LRRC4C: variants seen among roughly 807,000 people sequenced by gnomAD.
The protein encoded by LRRC4C is leucine rich repeat containing 4C.
Under a neutral mutation model 33.6 loss-of-function variants are expected in LRRC4C, and 5 were observed. That is an observed-to-expected ratio of 0.15 (90% CI 0.08 to 0.31). The LOEUF is 0.31. Among genes scored for constraint, LRRC4C ranks in the 10% least tolerant of loss-of-function variants. The pLI is 1.00. For missense variants in LRRC4C, 560 were observed against 796.7 expected, an observed-to-expected ratio of 0.70 and a Z score of 3.58; for synonymous variants, 329 against 302.0, an observed-to-expected ratio of 1.09 and a Z score of -0.93.
chr11:40,172,401 A>G (rs1860119441), intron 5 of LRRC4C, among the ~76,000 whole-genome samples: 1 of 152,126 alleles, frequency 6.6e-6, no homozygotes. Context: ...AACAGCCAGA[A>G]TGGTTTTTGA....
intron 2 of LRRC4C, among the ~76,000 whole-genome samples, chr11:40,712,356 G>C (rs928893161): frequency 6.6e-6 from 1 of 152,004 alleles, no homozygotes; most frequent in African/African-American, 2.4e-5. Flanking sequence ...AGATCCCATA[G>C]CTAACACATC....
chr11:40,383,374 C>T (rs1170100620), intron 3 of LRRC4C, among the ~76,000 whole-genome samples: 3 of 152,058 alleles, frequency 2.0e-5, no homozygotes. Flanking sequence ...GGTATATACC[C>T]AGAAGTGGGA....
chr11:40,488,918 C>G (rs1437732111), intron 3 of LRRC4C, among the ~76,000 whole-genome samples: 9 of 151,970 alleles, frequency 5.9e-5, no homozygotes, highest in Admixed American at 5.9e-4. Flanking sequence ...GTGGTTTCTC[C>G]TTTATTTTTT....
intron 6 of LRRC4C, among the ~76,000 whole-genome samples, chr11:40,123,945 G>T (rs942664190): frequency 2.0e-5 from 3 of 152,078 alleles, no homozygotes; most frequent in African/African-American, 7.2e-5. Context: ...TACATCTACA[G>T]TGAACTCATT....
At chr11:40,659,358 G>T (rs1943302309) in intron 2 of LRRC4C, among the ~76,000 whole-genome samples, 1 of 152,174 alleles carries the variant, frequency 6.6e-6, no homozygotes, top group Admixed American at 6.5e-5. Flanking sequence ...AAGGCAGATA[G>T]GTTCCCAGGC....
intron 2 of LRRC4C, among the ~76,000 whole-genome samples, chr11:40,928,532 T>G (rs1957486366): frequency 1.3e-5 from 2 of 151,956 alleles, no homozygotes; most frequent in African/African-American, 2.4e-5. Flanking sequence ...ATCTCTTTCA[T>G]TAAGTAATAA....
intron 2 of LRRC4C, among the ~76,000 whole-genome samples, chr11:40,723,591 T>C (rs1218673257): frequency 6.6e-6 from 1 of 152,156 alleles, no homozygotes; most frequent in Non-Finnish European, 1.5e-5. Flanking sequence ...ACTGGCCTTA[T>C]AAGAGACACT....
At chr11:40,983,942 A>G (rs1852725516) in intron 1 of LRRC4C, among the ~76,000 whole-genome samples, 1 of 152,152 alleles carries the variant, frequency 6.6e-6, no homozygotes, top group Non-Finnish European at 1.5e-5. Flanking sequence ...TAAGTGAGGA[A>G]TTTTAAATTT....
intron 2 of LRRC4C, among the ~76,000 whole-genome samples, chr11:40,767,716 A>G (rs1949541691): frequency 6.6e-6 from 1 of 152,088 alleles, no homozygotes; most frequent in South Asian, 2.1e-4. Flanking sequence ...ATGCTCCTAA[A>G]TGACCAATAA....
At chr11:41,418,289 A>C (rs1184370657) in intron 1 of LRRC4C, among the ~76,000 whole-genome samples, 1 of 152,032 alleles carries the variant, frequency 6.6e-6, no homozygotes, top group Non-Finnish European at 1.5e-5. Context: ...CCTTCTTGTG[A>C]AATTAGCCAT....
At chr11:40,190,951 A>C (rs1196834586) in intron 5 of LRRC4C, among the ~76,000 whole-genome samples, 1 of 152,228 alleles carries the variant, frequency 6.6e-6, no homozygotes, top group Non-Finnish European at 1.5e-5. Context: ...TTGCAGATTC[A>C]AGAGGTCTTT....
chr11:40,899,993 G>C (rs1956135964), intron 2 of LRRC4C, among the ~76,000 whole-genome samples: 1 of 152,008 alleles, frequency 6.6e-6, no homozygotes, highest in African/African-American at 2.4e-5. Context: ...TTGCCCCATG[G>C]TTTTAGTGTT....
intron 3 of LRRC4C, among the ~76,000 whole-genome samples, chr11:40,497,267 G>A (rs911046840): frequency 1.3e-5 from 2 of 152,166 alleles, no homozygotes; most frequent in East Asian, 1.9e-4. Flanking sequence ...AGCCAGGCAT[G>A]GTGGTGGATG....
At chr11:41,301,353 G>A (rs1476878139) in intron 1 of LRRC4C, among the ~76,000 whole-genome samples, 1 of 152,182 alleles carries the variant, frequency 6.6e-6, no homozygotes, top group Non-Finnish European at 1.5e-5. Flanking sequence ...GCTTTGTAAA[G>A]TTTTGATGTT....
chr11:40,523,610 T>A (rs61886214), intron 3 of LRRC4C, among the ~76,000 whole-genome samples: 1 of 68,722 alleles, frequency 1.5e-5, no homozygotes, highest in Non-Finnish European at 3.9e-5. Context: ...CTATTATATA[T>A]AATAGAGTAT....
chr11:41,050,084 C>A, intron 1 of LRRC4C, among the ~76,000 whole-genome samples: 1 of 152,076 alleles, frequency 6.6e-6, no homozygotes, highest in East Asian at 1.9e-4. Context: ...AAACACACTG[C>A]TATTAATATG....
chr11:41,100,967 G>T (rs952491336), intron 1 of LRRC4C, among the ~76,000 whole-genome samples: 1 of 151,862 alleles, frequency 6.6e-6, no homozygotes, highest in East Asian at 1.9e-4. Context: ...AATAAATTGT[G>T]CTGAGATAGC....
intron 1 of LRRC4C, among the ~76,000 whole-genome samples, chr11:41,138,902 G>A (rs1210864010): frequency 2.6e-5 from 4 of 152,110 alleles, no homozygotes; most frequent in African/African-American, 7.2e-5. Flanking sequence ...TTAAAACAAA[G>A]GACATCTTTA....
intron 1 of LRRC4C, among the ~76,000 whole-genome samples, chr11:41,043,034 T>G (rs1857536728): frequency 6.8e-6 from 1 of 146,960 alleles, no homozygotes; most frequent in Admixed American, 6.8e-5. Context: ...TATGCAAGTC[T>G]CATCGAAATC....
Sources: gnomAD v4.1 joint callset for allele counts (sites outside exome capture counted in the v4.1 genomes callset) on GRCh38, gnomAD v4.1.1 for gene constraint, MANE v1.5 for transcripts, NCBI Gene and HGNC (gene_info 2026-07-23, HGNC 2026-07-21) for gene names.